Variants in ALMS1 observed in about 807,000 individuals in gnomAD.
ALMS1 encodes ALMS1 centrosome and basal body associated protein, also known as centrosome-associated protein ALMS1.
Under a neutral mutation model 352.2 loss-of-function variants are expected in ALMS1, and 271 were observed. The ratio of observed to expected loss-of-function variants is 0.77; its 90% CI spans 0.70 to 0.85. The LOEUF is 0.85. ALMS1 is among the 40% of genes least tolerant of loss of function. ALMS1 has a pLI of 0.00. For synonymous variants in ALMS1, 1,865 were observed against 1,761.2 expected, an observed-to-expected ratio of 1.06 and a Z score of -1.48; for missense variants, 5,445 against 4,870.7, an observed-to-expected ratio of 1.12 and a Z score of -3.51.
At position 73,449,305 on chromosome 2, in the gene ALMS1, T is replaced by C. The variant is rs1671877333; in HGVS notation, c.2778T>C (p.Leu926=). Residue 926 remains leucine, a synonymous_variant, in exon 8 of 23, where the codon CTT becomes CTC. Coordinates refer to ENST00000613296, the MANE Select transcript of ALMS1 (RefSeq NM_001378454.1). ...CCCAGCAGACCCTGCCAGACTTTCTTTTCCCTGAAGAAGCTCTGAAGGTTT... is the reference window on the plus strand; with the variant it reads ...CCCAGCAGACCCTGCCAGACTTTCTCTTCCCTGAAGAAGCTCTGAAGGTTT... The part of the protein sequence containing the change: ...IFSQQTLPDF[L]FPEEALKVSA... 1.2e-6 allele frequency: 2 copies of C among 1,613,948 alleles called. No homozygotes were observed. The highest frequency in any genetic ancestry group is 1.7e-6 in the Non-Finnish European group (2 of 1,180,004).
In ALMS1 at chr2:73,408,719, C is replaced by T. The variant is rs749496245; in HGVS notation, c.422C>T (p.Thr141Ile). The T allele has an allele frequency of 3.1e-6, 5 of 1,612,696 alleles. No individual in the cohort carries two copies. The African/African-American group carries it at 6.7e-5, about 22-fold the overall frequency. The stretch of plus-strand genomic sequence containing the variant: ...ACTAATGTGGTCTGTTTGGAAACAA[C>T]AGCTCAGCGGGGTTCTGGGGATGAT... ...SDTNVVCLET[T>I]AQRGSGDDQK... The change falls in exon 2 of 23, where the codon ACA becomes ATA. Residue 141 changes from threonine (T) to isoleucine (I), a missense_variant. Transcript: ENST00000613296.
chr2:73,574,010 G>A (rs150620858), intron 16 of ALMS1, among the ~76,000 whole-genome samples: 3 of 152,228 alleles, frequency 2.0e-5, no homozygotes, highest in East Asian at 1.9e-4. Flanking sequence ...GGATGTGGTC[G>A]CTAGAAAAGA....
chr2:73,385,903 T>TGGAGGAGGAGGAGGAGGA lies in ALMS1; in HGVS notation c.57_74dup (p.Glu23_Glu28dup), dbSNP rs55889738. On this transcript the variant is annotated inframe_insertion, in exon 1 of 23. Transcript: ENST00000613296. ...GAGGATCTGCCATGGCCGGGCGAGC[T>TGGAGGAGGAGGAGGAGGA]GGAGGAGGAGGAGGAGGAGGAGGAG... 3.1e-4 allele frequency: 215 copies of TGGAGGAGGAGGAGGAGGA among 701,330 alleles called. No homozygotes were observed. Among genetic ancestry groups the TGGAGGAGGAGGAGGAGGA allele is most frequent in the East Asian group, 1.2e-3 (44 of 35,250 alleles). 43.4% of individuals were successfully genotyped at this position (701,330 alleles called of 1,614,324 possible). A position where few individuals can be genotyped will look rare whatever the true frequency, so the allele number is the denominator to read the frequency against.
At chr2:73,599,797 G>A (rs1675633755) in intron 17 of ALMS1, among the ~76,000 whole-genome samples, 1 of 152,136 alleles carries the variant, frequency 6.6e-6, no homozygotes, top group South Asian at 2.1e-4. Context: ...CTTTCACTCA[G>A]CATTTTTACT....
chr2:73,550,535 A>G, intron 13 of ALMS1, 98 bp downstream of exon 13: 1 of 1,482,426 alleles, frequency 6.7e-7, no homozygotes, highest in Non-Finnish European at 9.3e-7. Flanking sequence ...CTGTTTTGTT[A>G]TACAAGCTTT....
chr2:73,442,121 A>G (rs1671731239), intron 7 of ALMS1, among the ~76,000 whole-genome samples: 1 of 152,086 alleles, frequency 6.6e-6, no homozygotes, highest in Admixed American at 6.6e-5. Context: ...TATTATTATA[A>G]TGTATATTAT....
chr2:73,556,761 G>T (rs1342923344), intron 13 of ALMS1, among the ~76,000 whole-genome samples: 1 of 151,642 alleles, frequency 6.6e-6, no homozygotes, highest in Non-Finnish European at 1.5e-5. Flanking sequence ...GGAGTGCAGT[G>T]GCACAGTCTC....
chr2:73,477,796 C>T (rs1672613187), intron 9 of ALMS1, among the ~76,000 whole-genome samples: 1 of 151,940 alleles, frequency 6.6e-6, no homozygotes, highest in Admixed American at 6.6e-5. Flanking sequence ...TATTAAAATA[C>T]AGTTGATTTT....
intron 9 of ALMS1, among the ~76,000 whole-genome samples, chr2:73,482,440 G>A (rs1672731032): frequency 6.6e-6 from 1 of 152,182 alleles, no homozygotes; most frequent in South Asian, 2.1e-4. Flanking sequence ...ACTTGATCAT[G>A]GTGGATAAGC....
chr2:73,563,262 C>T (rs1026785664), intron 15 of ALMS1, among the ~76,000 whole-genome samples: 1 of 152,078 alleles, frequency 6.6e-6, no homozygotes, highest in Non-Finnish European at 1.5e-5. Context: ...AGGTTAAATT[C>T]ACCAAAAGTT....
At chr2:73,598,631 T>G (rs1311762560) in intron 16 of ALMS1, among the ~76,000 whole-genome samples, 1 of 152,238 alleles carries the variant, frequency 6.6e-6, no homozygotes, top group Non-Finnish European at 1.5e-5. Flanking sequence ...AGTAGAAAAT[T>G]CCCTAACATT....
At chr2:73,532,018 G>C (rs891912784) in intron 11 of ALMS1, among the ~76,000 whole-genome samples, 5 of 152,248 alleles carry the variant, frequency 3.3e-5, no homozygotes, top group African/African-American at 1.2e-4. Flanking sequence ...AACCATATCA[G>C]AAGTTTCTGA....
intron 16 of ALMS1, among the ~76,000 whole-genome samples, chr2:73,591,427 T>G (rs1228437620): frequency 3.9e-5 from 6 of 152,198 alleles, no homozygotes; most frequent in African/African-American, 1.4e-4. Context: ...TAGAAAAATC[T>G]AATGTTCTTT....
At position 73,424,617 on chromosome 2, in the gene ALMS1, G is replaced by T. The variant is rs369311106; in HGVS notation, c.952G>T (p.Gly318Trp). The T allele has an allele frequency of 3.1e-6, 5 of 1,613,862 alleles. No individual in the cohort carries two copies. The highest frequency in any genetic ancestry group is 4.2e-6 in the Non-Finnish European group (5 of 1,179,992). ...SQCPFLPSEQ[G>W]NNEETISSVD... ...GTGCCCTTTTTTACCTTCTGAACAA[G>T]GGAATAATGAAGAGACTATTTCGTC... Residue 318 changes from glycine (G) to tryptophan (W), a missense_variant, in exon 5 of 23, where the codon GGG becomes TGG. By Grantham distance (184) the Gly-to-Trp change is radical. Transcript: ENST00000613296.
Position 73,490,739 on chromosome 2 carries a change from G to A in ALMS1, c.8780G>A (p.Arg2927Gln), listed in dbSNP as rs778162209. 49 of 1,613,962 alleles carry A rather than the reference G, an allele frequency of 3.0e-5. No homozygotes were observed. Among genetic ancestry groups the A allele is most frequent in the Middle Eastern group, 3.3e-4 (2 of 6,084 alleles). The stretch of plus-strand genomic sequence containing the variant: ...CCTTCTTGCATTTTTCTTGAACAAC[G>A]AGAACTCTTTGAACAGTGCAAAGCC... The part of the protein sequence containing the change: ...DLPSCIFLEQ[R>Q]ELFEQCKAPY... The change falls in exon 10 of 23, where the codon CGA becomes CAA. Residue 2927 changes from arginine to glutamine, a missense_variant. Coordinates refer to ENST00000613296, the MANE Select transcript of ALMS1 (RefSeq NM_001378454.1).
intron 7 of ALMS1, among the ~76,000 whole-genome samples, chr2:73,444,274 T>TG (rs1175903844): frequency 6.6e-6 from 1 of 152,160 alleles, no homozygotes; most frequent in Non-Finnish European, 1.5e-5. Flanking sequence ...GGGAATTTCT[T>TG]TGAGTAGGGG....
At chr2:73,460,613 C>T (rs1311245618) in intron 9 of ALMS1, among the ~76,000 whole-genome samples, 2 of 152,194 alleles carry the variant, frequency 1.3e-5, no homozygotes, top group South Asian at 4.1e-4. Context: ...GTGCAGCGCA[C>T]CATTCACAAG....
chr2:73,574,738 GA>G (rs1675016999), intron 16 of ALMS1, among the ~76,000 whole-genome samples: 1 of 152,126 alleles, frequency 6.6e-6, no homozygotes, highest in South Asian at 2.1e-4. Context: ...ATGGATCCAG[GA>G]GAGGGTTTGT....
chr2:73,435,609 T>A (rs952856748), intron 7 of ALMS1, among the ~76,000 whole-genome samples: 12 of 145,738 alleles, frequency 8.2e-5, no homozygotes, highest in Non-Finnish European at 1.8e-4. Context: ...TAAGTTTTTG[T>A]TTTTTTTTTT....
Sources: allele counts gnomAD v4.1 joint callset (sites outside exome capture counted in the v4.1 genomes callset), GRCh38; gene constraint gnomAD v4.1.1; transcripts MANE v1.5; gene names NCBI Gene and HGNC (gene_info 2026-07-23, HGNC 2026-07-21).